The following BPIFB3 variants were observed in gnomAD, a reference collection of about 807,000 sequenced individuals.
BPIFB3 encodes the protein BPI fold containing family B member 3.
Under a neutral mutation model 53.1 loss-of-function variants are expected in BPIFB3, and 49 were observed. The ratio of observed to expected loss-of-function variants is 0.92; its 90% CI spans 0.73 to 1.17. The LOEUF (loss-of-function observed/expected upper bound fraction) is 1.17, where lower values mean the gene tolerates loss of function less well. Among genes scored for constraint, BPIFB3 ranks in the 50% most tolerant of loss-of-function variants. The pLI is 0.00. For synonymous variants in BPIFB3, 271 were observed against 269.6 expected, an observed-to-expected ratio of 1.01 and a Z score of -0.05; for missense variants, 628 against 592.5, an observed-to-expected ratio of 1.06 and a Z score of -0.62.
intron 10 of BPIFB3, 51 bp from the exon 12 acceptor site, chr20:33,069,837 C>T: frequency 1.3e-6 from 2 of 1,595,226 alleles, no homozygotes; most frequent in Non-Finnish European, 1.7e-6. Context: ...GACCCGTCCT[C>T]AAGCTCCTTC....
At chr20:33,064,879 C>G (rs1036219680) in intron 8 of BPIFB3, 34 bp downstream of exon 9, 2 of 1,595,388 alleles carry the variant, frequency 1.3e-6, no homozygotes, top group Non-Finnish European at 8.5e-7. Flanking sequence ...GGGATGGGGG[C>G]TCCTTGCCCT....
At chr20:33,056,851 C>T (rs1033310595) in intron 2 of BPIFB3, among the ~76,000 whole-genome samples, 153 bp downstream of exon 3, 2 of 152,186 alleles carry the variant, frequency 1.3e-5, no homozygotes, top group Non-Finnish European at 2.9e-5. Flanking sequence ...CTACTGCATG[C>T]CTGGCAGGAC....
At chr20:33,058,307 A>G (rs1461178496) in intron 2 of BPIFB3, among the ~76,000 whole-genome samples, 1 of 152,134 alleles carries the variant, frequency 6.6e-6, no homozygotes, top group African/African-American at 2.4e-5. Context: ...GTAAATGCTG[A>G]TGTTGCTCGA....
chr20:33,055,659 C>G (rs1430510731), intron 1 of BPIFB3, 112 bp downstream of exon 2: 26 of 1,481,852 alleles, frequency 1.8e-5, no homozygotes, highest in Non-Finnish European at 2.1e-5. Flanking sequence ...TGATTCTCAG[C>G]TGCTTAGAGA....
At chr20:33,056,456 C>T (rs1262734848) in intron 1 of BPIFB3, 86 bp from the exon 3 acceptor site, 6 of 1,497,708 alleles carry the variant, frequency 4.0e-6, no homozygotes, top group East Asian at 4.5e-5. Flanking sequence ...GAAGCCTACT[C>T]AATCTCAGAG....
rs115884922 is a variant in BPIFB3, at chr20:33,060,925, C to T, written c.528-843C>T. Among the ~76,000 whole-genome samples, 733 of 152,310 alleles carry T rather than the reference C, an allele frequency of 4.8e-3. 3 individuals carry two copies. The highest frequency in any genetic ancestry group is 0.017 in the African/African-American group (700 of 41,558). ...AGAGGTCTCCTTGCCTAGGATCACA[C>T]GCACAGATCCGGCAGGGATGGAGAG... On this transcript the variant is annotated intron_variant, in intron 4 of 14. Coordinates refer to ENST00000375494, the Ensembl canonical transcript of BPIFB3.
intron 3 of BPIFB3, 144 bp downstream of exon 4, chr20:33,059,626 C>T (rs1458486660): frequency 4.1e-6 from 3 of 734,060 alleles, no homozygotes; most frequent in South Asian, 1.7e-5. Flanking sequence ...AAGGGACTCC[C>T]AATCCTACTG....
At chr20:33,060,893 G>A (rs1160176647) in intron 4 of BPIFB3, among the ~76,000 whole-genome samples, 3 of 152,156 alleles carry the variant, frequency 2.0e-5, no homozygotes, top group African/African-American at 2.4e-5. Flanking sequence ...TGGGACCATG[G>A]AGGCCCAGAG....
At position 33,068,783 on chromosome 20, in the gene BPIFB3, A is replaced by C. The variant is rs1486127585; in HGVS notation, c.979-20A>C. ...ATTGTAGTCCTGGGGCATCTAAGTT[A>C]TGCCCCTGCATTTCTCCAGGCCCTG... On this transcript the variant is annotated intron_variant, in intron 9 of 14. Coordinates refer to ENST00000375494, the Ensembl canonical transcript of BPIFB3. The C allele has an allele frequency of 6.2e-7, 1 of 1,609,478 alleles. No homozygotes were observed. The highest frequency in any genetic ancestry group is 1.1e-5 in the South Asian group (1 of 90,348).
chr20:33,072,024 C>T lies in BPIFB3; in HGVS notation c.1261-80C>T. Reference sequence around the variant, plus strand: ...GAGGCAGCTGGGCCCCTGGGTTTCTCTCCCTGGGAACGGGATGCTGCTGCC... The same window carrying T: ...GAGGCAGCTGGGCCCCTGGGTTTCTTTCCCTGGGAACGGGATGCTGCTGCC... On this transcript the variant is annotated intron_variant, in intron 12 of 14. Transcript: ENST00000375494. 2.7e-6 allele frequency: 4 copies of T among 1,472,340 alleles called. No homozygotes were observed. The South Asian group carries it at 3.5e-5, about 13-fold the overall frequency. The allele number at this position is 1,472,340 out of a possible 1,614,324, so 91.2% of individuals were successfully genotyped here.
chr20:33,055,470 G>T (rs766429713), exon 1 of BPIFB3: 35 of 1,613,636 alleles, frequency 2.2e-5, no homozygotes, highest in Non-Finnish European at 2.6e-5. Context: ...CTGCTCTGGG[G>T]CCTGGCGACT....
In BPIFB3 at chr20:33,069,926, C is replaced by T. The variant is rs780874186; in HGVS notation, c.1188C>T (p.Thr396=). 3.1e-6 allele frequency: 5 copies of T among 1,614,224 alleles called. No homozygotes were observed. The South Asian group carries it at 4.4e-5, about 14-fold the overall frequency. Reference sequence around the variant, plus strand: ...GTGCCCAGCTGGCTCCCTCGGCTACCAAGCTGCACATCTCCCTGTCCCTGG... The same window carrying T: ...GTGCCCAGCTGGCTCCCTCGGCTACTAAGCTGCACATCTCCCTGTCCCTGG... Residue 396 remains threonine (T), a synonymous_variant, in exon 11 of 15, where the codon ACC becomes ACT. Coordinates refer to ENST00000375494, the Ensembl canonical transcript of BPIFB3.
At position 33,056,614 on chromosome 20, in the gene BPIFB3, G is replaced by A. The variant is rs545083982; in HGVS notation, c.197G>A (p.Gly66Asp). The change falls in exon 2 of 15, where the codon GGC becomes GAC. Residue 66 changes from glycine (G) to aspartate (D), a missense_variant. Physicochemically the swap from Gly to Asp is moderately conservative, Grantham distance 94. Transcript: ENST00000375494. ...GGATCGGTCACAGCTGTGAACCGGG[G>A]CCTCTTGGGCTCAGGAGGGCTGCTT... The A allele has an allele frequency of 4.1e-5, 66 of 1,613,928 alleles. No individual in the cohort carries two copies. The Admixed American group carries it at 9.7e-4, about 24-fold the overall frequency.
intron 1 of BPIFB3, 92 bp from the exon 3 acceptor site, chr20:33,056,450 C>A: frequency 6.8e-7 from 1 of 1,466,102 alleles, no homozygotes. Context: ...TAAAAAGAAG[C>A]CTACTCAATC....
At chr20:33,060,958 G>A (rs111984081) in intron 4 of BPIFB3, among the ~76,000 whole-genome samples, 55 of 152,284 alleles carry the variant, frequency 3.6e-4, no homozygotes, top group African/African-American at 1.1e-3. Context: ...GAGGGGCTGC[G>A]CTCTGGCTGG....
intron 4 of BPIFB3, 80 bp downstream of exon 5, chr20:33,060,111 C>G (rs1980389873): frequency 1.3e-6 from 2 of 1,547,168 alleles, no homozygotes; most frequent in Non-Finnish European, 1.7e-6. Flanking sequence ...CCAGGTCTCC[C>G]TGGAGCTGCC....
chr20:33,071,225 G>GGC, intron 11 of BPIFB3, 28 bp from the exon 13 acceptor site: 1 of 1,193,700 alleles, frequency 8.4e-7, no homozygotes, highest in South Asian at 1.3e-5. Context: ...GGTAGCGGGG[G>GGC]CCCCAGCATC....
chr20:33,070,593 G>C lies in BPIFB3; in HGVS notation c.1217+638G>C, dbSNP rs535453405. Reference sequence around the variant, plus strand: ...TGTCACCATGGCAGGGCCCCGGCCTGTCTGTCCCTCCCCTGGCAGTAGGGA... The same window carrying C: ...TGTCACCATGGCAGGGCCCCGGCCTCTCTGTCCCTCCCCTGGCAGTAGGGA... On this transcript the variant is annotated intron_variant, in intron 11 of 14. Transcript: ENST00000375494. Among the ~76,000 whole-genome samples, 77 of 152,348 alleles carry C rather than the reference G, an allele frequency of 5.1e-4. 1 individual carries two copies. In the South Asian group the frequency reaches 0.016, roughly 31 times the overall value.
At chr20:33,066,797 C>G (rs1339195633) in intron 8 of BPIFB3, 27 bp from the exon 10 acceptor site, 2 of 1,612,072 alleles carry the variant, frequency 1.2e-6, no homozygotes, top group East Asian at 2.2e-5. Flanking sequence ...CTGTGCTCAC[C>G]AACCCTCTCT....
Sources: allele counts gnomAD v4.1 joint callset (sites outside exome capture counted in the v4.1 genomes callset), GRCh38; gene constraint gnomAD v4.1.1; transcripts MANE v1.5; gene names NCBI Gene and HGNC (gene_info 2026-07-23, HGNC 2026-07-21).